ITGA9: variants seen among roughly 807,000 people sequenced by gnomAD.
ITGA9 encodes the protein integrin subunit alpha 9.
A neutral mutation model predicts 127.8 loss-of-function variants in ITGA9; 56 were observed. The ratio of observed to expected loss-of-function variants is 0.44; its 90% CI spans 0.35 to 0.55. ITGA9 has a LOEUF of 0.55. ITGA9 is among the 20% of genes least tolerant of loss of function. The probability of loss-of-function intolerance (pLI) is 0.00; values close to 1 mark genes in which losing one functional copy is unlikely to be tolerated. For synonymous variants in ITGA9, 508 were observed against 514.5 expected (o/e 0.99, Z 0.17); for missense variants, 1,196 against 1,347.1 (o/e 0.89, Z 1.76).
chr3:37,470,075 G>C (rs538880526), intron 1 of ITGA9, among the ~76,000 whole-genome samples: 2 of 151,076 alleles, frequency 1.3e-5, no homozygotes, highest in African/African-American at 2.4e-5. Flanking sequence ...ATAGAATTCT[G>C]TTGTATTGCT....
chr3:37,455,388 T>A (rs2125544588), intron 1 of ITGA9, among the ~76,000 whole-genome samples: 1 of 152,364 alleles, frequency 6.6e-6, no homozygotes, highest in East Asian at 1.9e-4. Context: ...CAAGGCATTC[T>A]TTATGTATTA....
At chr3:37,536,477 G>C (rs187681760) in intron 14 of ITGA9, among the ~76,000 whole-genome samples, 5 of 152,378 alleles carry the variant, frequency 3.3e-5, no homozygotes, top group Admixed American at 1.3e-4. Context: ...ATCTGCTGCT[G>C]TCTTCAGCTA....
At chr3:37,741,885 A>C in intron 21 of ITGA9, 66 bp downstream of exon 21, 7 of 1,285,910 alleles carry the variant, frequency 5.4e-6, no homozygotes, top group Non-Finnish European at 7.8e-6. Flanking sequence ...TGTGCTTCTC[A>C]TATTTGCATG....
intron 15 of ITGA9, among the ~76,000 whole-genome samples, chr3:37,628,944 C>T (rs1448075969): frequency 1.3e-5 from 2 of 152,162 alleles, no homozygotes; most frequent in Non-Finnish European, 1.5e-5. Flanking sequence ...GATGATTTAG[C>T]ACCATGCAAG....
At chr3:37,764,320 C>T (rs1267819800) in intron 23 of ITGA9, among the ~76,000 whole-genome samples, 1 of 152,010 alleles carries the variant, frequency 6.6e-6, no homozygotes, top group East Asian at 1.9e-4. Flanking sequence ...CTTCATCCAA[C>T]CCCTCCTCAT....
rs772885323 is a variant in ITGA9 at position 37,684,001 on chromosome 3, A to T, written c.2053A>T (p.Asn685Tyr). 1 of 1,613,686 alleles carries T rather than the reference A, an allele frequency of 6.2e-7. No homozygotes were observed. The highest frequency in any genetic ancestry group is 8.5e-7 in the Non-Finnish European group (1 of 1,179,942). The change falls in exon 18 of 28, where the codon AAC (asparagine) becomes TAC (tyrosine). Residue 685 changes from asparagine (N) to tyrosine (Y), a missense_variant. By Grantham distance (143) the Asn-to-Tyr change is moderately radical (BLOSUM62 -2). Coordinates refer to ENST00000264741, the MANE Select transcript of ITGA9 (RefSeq NM_002207.3). ...TGTTTCCCGGGAGCTCTTCTTCATC[A>T]ACATGTGGCAGAAGGTAAGGAGGGC... is the stretch of plus-strand genomic sequence containing the variant. ...FNVSRELFFINMWQKEEMGIS... is the reference protein window; with the variant it reads ...FNVSRELFFIYMWQKEEMGIS...
At chr3:37,675,665 G>A (rs898047569) in intron 17 of ITGA9, among the ~76,000 whole-genome samples, 1 of 151,004 alleles carries the variant, frequency 6.6e-6, no homozygotes, top group African/African-American at 2.4e-5. Flanking sequence ...TTTTTTTTCA[G>A]CATTTCACAA....
chr3:37,727,221 C>A (rs1050876661), intron 18 of ITGA9, among the ~76,000 whole-genome samples: 1 of 152,150 alleles, frequency 6.6e-6, no homozygotes, highest in Non-Finnish European at 1.5e-5. Flanking sequence ...TGTTTTTACA[C>A]CATCAGAAAG....
chr3:37,630,967 C>T (rs1700225196), intron 16 of ITGA9, among the ~76,000 whole-genome samples: 1 of 152,104 alleles, frequency 6.6e-6, no homozygotes, highest in Non-Finnish European at 1.5e-5. Flanking sequence ...ATGGCTTCTG[C>T]CTTGACTGGG....
Position 37,473,399 on chromosome 3 carries a change from G to A in ITGA9, c.359G>A (p.Arg120His), listed in dbSNP as rs1474405958. The A allele has an allele frequency of 9.9e-6, 16 of 1,614,002 alleles. No individual in the cohort carries two copies. Among genetic ancestry groups the A allele is most frequent in the African/African-American group, 2.7e-5 (2 of 74,908 alleles). The change falls in exon 3 of 28, where the codon CGC becomes CAC. Residue 120 changes from arginine to histidine, a missense_variant. By Grantham distance (29) the Arg-to-His change is conservative. Transcript: ENST00000264741. ...TSCGKTCRED[R>H]DDEWMGVSLA... ...TGCGGAAAGACCTGCCGGGAAGACC[G>A]CGATGATGAGTGGATGGGGGTGAGC...
intron 7 of ITGA9, among the ~76,000 whole-genome samples, chr3:37,508,214 A>T (rs1023322684): frequency 2.0e-5 from 3 of 152,220 alleles, no homozygotes; most frequent in African/African-American, 7.2e-5. Flanking sequence ...TAATTTTAAA[A>T]ACAGGAATAA....
intron 1 of ITGA9, among the ~76,000 whole-genome samples, chr3:37,455,550 C>G (rs1457944661): frequency 6.6e-6 from 1 of 151,878 alleles, no homozygotes; most frequent in African/African-American, 2.4e-5. Flanking sequence ...CACAAATACT[C>G]GTCAAAATGA....
At chr3:37,635,587 TTTTA>T (rs869034005) in intron 16 of ITGA9, among the ~76,000 whole-genome samples, 1 of 151,630 alleles carries the variant, frequency 6.6e-6, no homozygotes, top group African/African-American at 2.4e-5. Context: ...TTTTATTTTA[TTTTA>T]TTTTTTTCCT....
At chr3:37,592,708 G>C (rs771008890) in intron 15 of ITGA9, among the ~76,000 whole-genome samples, 2 of 152,158 alleles carry the variant, frequency 1.3e-5, no homozygotes, top group African/African-American at 2.4e-5. Context: ...GGAGTCCAAG[G>C]ACCCCTTGGG....
At chr3:37,624,901 C>T (rs2125633245) in intron 15 of ITGA9, among the ~76,000 whole-genome samples, 1 of 152,298 alleles carries the variant, frequency 6.6e-6, no homozygotes, top group South Asian at 2.1e-4. Context: ...GCCACCATGC[C>T]CAGCCAAGAG....
At chr3:37,727,588 T>C (rs1200538573) in intron 18 of ITGA9, among the ~76,000 whole-genome samples, 1 of 152,220 alleles carries the variant, frequency 6.6e-6, no homozygotes, top group Non-Finnish European at 1.5e-5. Flanking sequence ...GATTATTTGC[T>C]TTATTAGAGT....
chr3:37,665,294 C>G (rs982248006), intron 17 of ITGA9, among the ~76,000 whole-genome samples: 1 of 151,646 alleles, frequency 6.6e-6, no homozygotes, highest in Non-Finnish European at 1.5e-5. Context: ...TTAATGGTTG[C>G]TGTTTCTGGA....
chr3:37,480,326 C>T (rs76945046), intron 3 of ITGA9, among the ~76,000 whole-genome samples: 16,553 of 152,172 alleles, frequency 0.11, 1,043 homozygotes, highest in Middle Eastern at 0.17. Flanking sequence ...TGGTGTCTTG[C>T]GTGGCTTCGA....
At chr3:37,564,807 C>T (rs1349021825) in intron 15 of ITGA9, among the ~76,000 whole-genome samples, 1 of 152,228 alleles carries the variant, frequency 6.6e-6, no homozygotes, top group African/African-American at 2.4e-5. Flanking sequence ...CAGGCTCATC[C>T]ACCACTACAG....
Sources: allele counts gnomAD v4.1 joint callset (sites outside exome capture counted in the v4.1 genomes callset), GRCh38; gene constraint gnomAD v4.1.1; transcripts MANE v1.5; gene names NCBI Gene and HGNC (gene_info 2026-07-23, HGNC 2026-07-21).